CCDC191: variants seen among roughly 807,000 people sequenced by gnomAD.
The protein encoded by CCDC191 is coiled-coil domain-containing protein 191.
CCDC191 carries 99 observed loss-of-function variants against 114.0 expected under a neutral mutation model. That is an observed-to-expected ratio of 0.87 (90% CI 0.74 to 1.03). The LOEUF is 1.03. CCDC191 is among the 50% of genes least tolerant of loss of function. The probability of loss-of-function intolerance (pLI) is 0.00; values close to 1 mark genes in which losing one functional copy is unlikely to be tolerated. For missense variants in CCDC191, 973 were observed against 1,087.0 expected, an observed-to-expected ratio of 0.90 and a Z score of 1.47; for synonymous variants, 351 against 376.0, an observed-to-expected ratio of 0.93 and a Z score of 0.77.
At position 113,980,727 on chromosome 3, in the gene CCDC191, A is replaced by G; in HGVS notation, c.2230T>C (p.Tyr744His). Residue 744 changes from tyrosine to histidine, a missense_variant, in exon 14 of 17, where the codon TAT becomes CAT. Coordinates refer to ENST00000295878, the MANE Select transcript of CCDC191 (RefSeq NM_020817.2). ...TTTTTCCTTAGCAAGACCCTTTCAT[A>G]ATGTTCTTTGGCTATTGCTTCCAGC... ...QQLEAIAKEH[Y>H]ERVLLRKKGL... 2 of 1,610,102 alleles carry G rather than the reference A, an allele frequency of 1.2e-6. No homozygotes were observed. Among genetic ancestry groups the G allele is most frequent in the Admixed American group, 1.7e-5 (1 of 59,150 alleles).
At chr3:114,032,923 G>C (rs2076427624) in intron 6 of CCDC191, among the ~76,000 whole-genome samples, 1 of 152,054 alleles carries the variant, frequency 6.6e-6, no homozygotes, top group Admixed American at 6.5e-5. Context: ...CCATAACAAT[G>C]TTATATTACA....
intron 13 of CCDC191, among the ~76,000 whole-genome samples, chr3:114,001,069 G>A (rs2075846366): frequency 1.3e-5 from 2 of 152,054 alleles, no homozygotes; most frequent in African/African-American, 4.8e-5. Flanking sequence ...TAACCTTAGA[G>A]TAAGAGCTTT....
chr3:114,053,220 A>C (rs934721199), intron 2 of CCDC191, among the ~76,000 whole-genome samples: 6 of 152,224 alleles, frequency 3.9e-5, no homozygotes. Flanking sequence ...TTTGTGATGC[A>C]CACGTAGTTT....
At chr3:113,968,318 A>AGACATT (rs1228594571) in intron 16 of CCDC191, among the ~76,000 whole-genome samples, 2 of 152,212 alleles carry the variant, frequency 1.3e-5, no homozygotes, top group Non-Finnish European at 2.9e-5. Context: ...CTTTGATAAA[A>AGACATT]GCCATTTTAC....
rs550456071 is a variant in CCDC191, at chr3:114,028,204, C to A, written c.972+3422G>T. On this transcript the variant is annotated intron_variant, in intron 7 of 16. Transcript: ENST00000295878. ...AATACTATTCCTCCAAAGCTAAAAC[C>A]AAAAATAACCGTACAATATTTTGCT... Among the ~76,000 whole-genome samples the A allele has an allele frequency of 8.2e-4, 125 of 151,682 alleles. 1 individual carries two copies. Among genetic ancestry groups the A allele is most frequent in the Middle Eastern group, 6.9e-3 (2 of 290 alleles).
rs1167007765 is a variant in CCDC191 at position 113,978,983 on chromosome 3, G to T, written c.2335C>A (p.Leu779Met). 2.1e-5 allele frequency: 34 copies of T among 1,613,790 alleles called. No homozygotes were observed. Among genetic ancestry groups the T allele is most frequent in the Non-Finnish European group, 2.6e-5 (31 of 1,179,922 alleles). The change falls in exon 15 of 17, where the codon CTG becomes ATG. Residue 779 changes from leucine to methionine, a missense_variant. Physicochemically the swap from Leu to Met is conservative, Grantham distance 15. Transcript: ENST00000295878. The part of the protein sequence containing the change: ...QVAEEHYSLF[L>M]QRKYMLTWFQ... Reference sequence around the variant, plus strand: ...CACGTCAGCATGTATTTCCTCTGCAGGAACAAAGAGTAATGTTCTTCTGCC... The same window carrying T: ...CACGTCAGCATGTATTTCCTCTGCATGAACAAAGAGTAATGTTCTTCTGCC...
At chr3:114,031,276 G>C (rs1356378138) in intron 7 of CCDC191, among the ~76,000 whole-genome samples, 1 of 152,144 alleles carries the variant, frequency 6.6e-6, no homozygotes, top group East Asian at 1.9e-4. Context: ...AACTGTCAAA[G>C]TGGAAGCCAA....
At chr3:113,990,557 G>T (rs146622050) in intron 13 of CCDC191, among the ~76,000 whole-genome samples, 150 of 151,648 alleles carry the variant, frequency 9.9e-4, no homozygotes, top group African/African-American at 3.3e-3. Context: ...CCCCACCAAA[G>T]AATTTACTCA....
intron 16 of CCDC191, among the ~76,000 whole-genome samples, chr3:113,969,697 A>G (rs1159646621): frequency 2.0e-5 from 3 of 151,986 alleles, no homozygotes; most frequent in African/African-American, 7.3e-5. Context: ...ATTCTATTTC[A>G]TTGGTCTATA....
intron 3 of CCDC191, among the ~76,000 whole-genome samples, chr3:114,045,296 AC>A (rs1470116017): frequency 3.9e-4 from 60 of 152,056 alleles, no homozygotes; most frequent in Admixed American, 2.0e-4. Flanking sequence ...CACCCAGACC[AC>A]CACCAACAGC....
At position 113,965,228 on chromosome 3, in the gene CCDC191, G is replaced by A. The variant is rs749091283; in HGVS notation, c.2738C>T (p.Pro913Leu). 46 of 1,611,982 alleles carry A rather than the reference G, an allele frequency of 2.9e-5. No individual in the cohort carries two copies. Among genetic ancestry groups the A allele is most frequent in the Non-Finnish European group, 3.9e-5 (46 of 1,179,214 alleles). Reference protein sequence around the residue: ...VVEILPDFQVPGRYHELYQQS... With the variant: ...VVEILPDFQVLGRYHELYQQS... ...CTGATATAGCTCGTGGTACCTTCCA[G>A]GTACCTGGAAGTCTGGAAGAATTTC... is the stretch of plus-strand genomic sequence containing the variant. The change falls in exon 17 of 17, where the codon CCT becomes CTT. Residue 913 changes from proline (P) to leucine (L), a missense_variant. Physicochemically the swap from Pro to Leu is moderately conservative, Grantham distance 98. Transcript: ENST00000295878.
chr3:114,031,505 G>A, intron 7 of CCDC191, 121 bp downstream of exon 7: 1 of 791,086 alleles, frequency 1.3e-6, no homozygotes, highest in Non-Finnish European at 2.1e-6. Context: ...AATGGCGTGG[G>A]CAGTTTTGGT....
At chr3:113,970,037 A>T (rs1308012566) in intron 16 of CCDC191, among the ~76,000 whole-genome samples, 1 of 152,092 alleles carries the variant, frequency 6.6e-6, no homozygotes, top group East Asian at 1.9e-4. Flanking sequence ...TCAGTGTTTT[A>T]TAGTTCTCAG....
chr3:114,003,008 CAACA>C, intron 11 of CCDC191: 7 of 985,212 alleles, frequency 7.1e-6, no homozygotes, highest in Middle Eastern at 5.2e-4. Flanking sequence ...ATAAGAATAA[CAACA>C]AACAAACTAA....
chr3:114,010,639 T>C lies in CCDC191; in HGVS notation c.1413+133A>G. 6.6e-6 allele frequency: 5 copies of C among 753,242 alleles called. No homozygotes were observed. The South Asian group carries it at 1.1e-4, about 17-fold the overall frequency. The allele number at this position is 753,242 out of a possible 1,614,324, so 46.7% of individuals were successfully genotyped here. A position where few individuals can be genotyped will look rare whatever the true frequency, so the allele number is the denominator to read the frequency against. On this transcript the variant is annotated intron_variant, in intron 9 of 16. Transcript: ENST00000295878. ...TCAATTCAAGGAAATAAACACTGCC[T>C]GAAAGGTAGTGCATTGAGGCAGCTC...
intron 16 of CCDC191, among the ~76,000 whole-genome samples, chr3:113,968,577 G>A (rs1362382295): frequency 6.6e-6 from 1 of 150,662 alleles, no homozygotes; most frequent in African/African-American, 2.4e-5. Context: ...AGCCTCCCCA[G>A]TAGCTGGGAC....
chr3:114,005,570 T>C lies in CCDC191; in HGVS notation c.1806A>G (p.Ala602=), dbSNP rs555759990. The C allele has an allele frequency of 6.2e-7, 1 of 1,614,106 alleles. No homozygotes were observed. The highest frequency in any genetic ancestry group is 1.1e-5 in the South Asian group (1 of 91,082). Residue 602 remains alanine, a synonymous_variant, in exon 10 of 17, where the codon GCA becomes GCG. Coordinates refer to ENST00000295878, the MANE Select transcript of CCDC191 (RefSeq NM_020817.2). The stretch of plus-strand genomic sequence containing the variant: ...TGGGCTTTGACAGCAGGTGGCTCTG[T>C]GCTTCTGTGACTGCTAAGGCATGCT... ...AAEHALAVTE[A]QSHLLSKPRE... is the part of the protein sequence containing the mutation.
intron 13 of CCDC191, among the ~76,000 whole-genome samples, chr3:113,988,645 A>T (rs1006175303): frequency 4.0e-5 from 6 of 151,770 alleles, no homozygotes; most frequent in Non-Finnish European, 5.9e-5. Context: ...AAAAAAAAAA[A>T]AAAAGATTTT....
At chr3:114,030,546 C>G (rs1377991283) in intron 7 of CCDC191, among the ~76,000 whole-genome samples, 2 of 152,172 alleles carry the variant, frequency 1.3e-5, no homozygotes, top group Non-Finnish European at 2.9e-5. Context: ...ACATTTCTCC[C>G]TACTACATTT....
Sources: allele counts gnomAD v4.1 joint callset (sites outside exome capture counted in the v4.1 genomes callset), GRCh38; gene constraint gnomAD v4.1.1; transcripts MANE v1.5; gene names NCBI Gene and HGNC (gene_info 2026-07-23, HGNC 2026-07-21).